The following CTNND2 variants were observed in gnomAD, a reference collection of about 807,000 sequenced individuals.
CTNND2 encodes the protein catenin delta-2.
In CTNND2, 22 loss-of-function variants were observed where a neutral mutation model predicts 144.4. The ratio of observed to expected loss-of-function variants is 0.15; its 90% CI spans 0.11 to 0.22. The LOEUF (loss-of-function observed/expected upper bound fraction) is 0.22. CTNND2 is among the 10% of genes least tolerant of loss of function. The pLI is 1.00. For missense variants in CTNND2, 1,353 were observed against 1,618.8 expected (o/e 0.84, Z 2.82); for synonymous variants, 751 against 695.6 (o/e 1.08, Z -1.25).
intron 2 of CTNND2, among the ~76,000 whole-genome samples, chr5:11,570,411 TAGAGAG>T (rs1342854362): frequency 6.6e-6 from 1 of 152,168 alleles, no homozygotes; most frequent in Non-Finnish European, 1.5e-5. Flanking sequence ...TACACAGAGA[TAGAGAG>T]AATGAATGAG....
At chr5:11,601,699 T>A (rs1779806336) in intron 2 of CTNND2, among the ~76,000 whole-genome samples, 1 of 152,192 alleles carries the variant, frequency 6.6e-6, no homozygotes, top group South Asian at 2.1e-4. Flanking sequence ...TTATCACTTT[T>A]GATCTTCTTA....
chr5:11,554,462 C>T (rs944894972), intron 3 of CTNND2, among the ~76,000 whole-genome samples: 4 of 152,020 alleles, frequency 2.6e-5, no homozygotes, highest in Non-Finnish European at 5.9e-5. Flanking sequence ...TGCCTAGATT[C>T]GGAAATCAAT....
intron 2 of CTNND2, among the ~76,000 whole-genome samples, chr5:11,656,260 T>C (rs1400740240): frequency 6.6e-6 from 1 of 152,054 alleles, no homozygotes; most frequent in Non-Finnish European, 1.5e-5. Flanking sequence ...GTTTTATGTC[T>C]CTCCTCTTTA....
intron 2 of CTNND2, among the ~76,000 whole-genome samples, chr5:11,673,045 T>C (rs13167577): frequency 3.0e-4 from 46 of 152,102 alleles, no homozygotes; most frequent in East Asian, 7.7e-4. Context: ...AGCTGATCTA[T>C]GAAACTAATA....
intron 2 of CTNND2, among the ~76,000 whole-genome samples, chr5:11,570,297 G>C (rs1320428603): frequency 6.6e-6 from 1 of 152,162 alleles, no homozygotes; most frequent in Non-Finnish European, 1.5e-5. Context: ...TCAGGCGGGA[G>C]ATTTCCTTTG....
intron 12 of CTNND2, among the ~76,000 whole-genome samples, chr5:11,135,119 C>T (rs1756004785): frequency 6.6e-6 from 1 of 152,076 alleles, no homozygotes; most frequent in Non-Finnish European, 1.5e-5. Context: ...AGCTTGGTGG[C>T]CACCCTGGGA....
rs150393582 is a variant in CTNND2, at chr5:11,839,857, G to A, written c.37+63960C>T. Among the ~76,000 whole-genome samples the A allele has an allele frequency of 7.9e-5, 12 of 152,228 alleles. No homozygotes were observed. The East Asian group carries it at 1.5e-3, about 20-fold the overall frequency. ...TCTTCGTGACCTAGCCTAGGCAGGC[G>A]TGAGTCTGCTGCATCCTATTTGCTA... On this transcript the variant is annotated intron_variant, in intron 1 of 21. Coordinates refer to ENST00000304623, the MANE Select transcript of CTNND2 (RefSeq NM_001332.4).
intron 14 of CTNND2, among the ~76,000 whole-genome samples, chr5:11,104,980 A>AGTGAAGCTG (rs1214720271): frequency 6.6e-6 from 1 of 152,170 alleles, no homozygotes; most frequent in Admixed American, 6.5e-5. Flanking sequence ...ATCCCTCAGG[A>AGTGAAGCTG]GTGAAGCTGG....
intron 9 of CTNND2, among the ~76,000 whole-genome samples, chr5:11,327,649 G>A (rs1752663444): frequency 1.3e-5 from 2 of 152,152 alleles, no homozygotes; most frequent in Non-Finnish European, 2.9e-5. Context: ...GATTTACAAG[G>A]TCAAACAGGA....
intron 3 of CTNND2, among the ~76,000 whole-genome samples, chr5:11,505,151 CTG>C (rs1236107749): frequency 6.6e-6 from 1 of 151,260 alleles, no homozygotes. Flanking sequence ...CTATCAAAAA[CTG>C]TTAACATTTA....
At chr5:11,095,277 TG>T (rs1404321258) in intron 15 of CTNND2, among the ~76,000 whole-genome samples, 1 of 152,224 alleles carries the variant, frequency 6.6e-6, no homozygotes, top group Non-Finnish European at 1.5e-5. Flanking sequence ...TACTGAGCTC[TG>T]CAACCTGCAA....
chr5:11,167,534 G>T (rs546104081), intron 11 of CTNND2, among the ~76,000 whole-genome samples: 1 of 152,058 alleles, frequency 6.6e-6, no homozygotes. Flanking sequence ...AAACAATTTT[G>T]TTATAAGATA....
At chr5:11,596,829 T>G (rs572920789) in intron 2 of CTNND2, among the ~76,000 whole-genome samples, 1 of 152,190 alleles carries the variant, frequency 6.6e-6, no homozygotes, top group African/African-American at 2.4e-5. Context: ...TGTCTAGGAC[T>G]CTAGTGTTCT....
At position 11,302,027 on chromosome 5, in the gene CTNND2, C is replaced by T. The variant is rs539411806; in HGVS notation, c.1628+44345G>A. Among the ~76,000 whole-genome samples the T allele has an allele frequency of 3.3e-5, 5 of 152,206 alleles. No individual in the cohort carries two copies. The East Asian group carries it at 9.7e-4, about 29-fold the overall frequency. On this transcript the variant is annotated intron_variant, in intron 9 of 21. Coordinates refer to ENST00000304623, the MANE Select transcript of CTNND2 (RefSeq NM_001332.4). ...GAATGTGGGCAACTGGGAGTTGGAT[C>T]CTTGGCACACCATGAGCTGGAGCTG...
At chr5:11,354,170 T>C (rs1028156565) in intron 8 of CTNND2, among the ~76,000 whole-genome samples, 1 of 152,186 alleles carries the variant, frequency 6.6e-6, no homozygotes, top group Non-Finnish European at 1.5e-5. Flanking sequence ...AATGTGGTGA[T>C]AGAGCTGGTT....
intron 1 of CTNND2, among the ~76,000 whole-genome samples, chr5:11,740,909 T>C (rs906675666): frequency 2.6e-5 from 4 of 151,906 alleles, no homozygotes; most frequent in Admixed American, 6.6e-5. Context: ...ATACAGGACT[T>C]TTCATACAGG....
intron 2 of CTNND2, among the ~76,000 whole-genome samples, chr5:11,661,868 G>T (rs1783224664): frequency 2.0e-5 from 3 of 151,892 alleles, no homozygotes; most frequent in African/African-American, 7.3e-5. Context: ...CAGAGGAGGT[G>T]AGCGGCAGGC....
intron 16 of CTNND2, among the ~76,000 whole-genome samples, chr5:11,063,565 C>T (rs555315832): frequency 5.7e-5 from 6 of 104,642 alleles, no homozygotes; most frequent in Admixed American, 3.3e-4. Context: ...GTAAAATTTT[C>T]GGGGGAGGTA....
intron 9 of CTNND2, among the ~76,000 whole-genome samples, chr5:11,288,331 T>C (rs1368573579): frequency 1.5e-5 from 2 of 136,940 alleles, no homozygotes; most frequent in African/African-American, 2.6e-5. Context: ...TGCCTTCAAG[T>C]ATTTTTTTTT....
Sources: allele counts gnomAD v4.1 joint callset (sites outside exome capture counted in the v4.1 genomes callset), GRCh38; gene constraint gnomAD v4.1.1; transcripts MANE v1.5; gene names NCBI Gene and HGNC (gene_info 2026-07-23, HGNC 2026-07-21).